Variants in COL6A5 observed in about 807,000 individuals in gnomAD.
The protein encoded by COL6A5 is collagen alpha-5(VI) chain.
Under a neutral mutation model 65.6 loss-of-function variants are expected in COL6A5, and 48 were observed. The observed-to-expected ratio is 0.73, with a 90% CI of 0.58 to 0.93. The LOEUF is 0.93. Ranked by LOEUF, COL6A5 falls within the 40% of genes least tolerant of loss-of-function variation. COL6A5 has a pLI of 0.00. For missense variants in COL6A5, 914 were observed against 928.3 expected (o/e 0.98, Z 0.20); for synonymous variants, 291 against 322.8 (o/e 0.90, Z 1.05).
intron 4 of COL6A5, among the ~76,000 whole-genome samples, chr3:130,450,667 G>A (rs1039441740): frequency 2.6e-5 from 4 of 152,162 alleles, no homozygotes; most frequent in Non-Finnish European, 2.9e-5. Context: ...TGCCTTGAGC[G>A]TGCTCATCAG....
At chr3:130,384,535 T>C (rs568082627) in intron 4 of COL6A5, among the ~76,000 whole-genome samples, 2 of 151,842 alleles carry the variant, frequency 1.3e-5, no homozygotes, top group African/African-American at 4.8e-5. Context: ...GAGCCTGGAG[T>C]CTCTGGAATT....
intron 1 of COL6A5, among the ~76,000 whole-genome samples, chr3:130,435,886 CAACTT>C (rs1709017455): frequency 7.5e-6 from 1 of 133,450 alleles, no homozygotes; most frequent in South Asian, 2.5e-4. Context: ...TGCAAACAGA[CAACTT>C]GACTTCCTCT....
intron 6 of COL6A5, among the ~76,000 whole-genome samples, chr3:130,470,312 G>A (rs1490158706): frequency 6.6e-6 from 1 of 152,044 alleles, no homozygotes; most frequent in Non-Finnish European, 1.5e-5. Context: ...ACTTTGAATG[G>A]TCTCTGCAGC....
chr3:130,400,945 A>G (rs895199043), intron 10 of COL6A5, 86 bp from the exon 11 acceptor site: 20 of 1,095,522 alleles, frequency 1.8e-5, no homozygotes, highest in Admixed American at 3.5e-5. Flanking sequence ...TCTTTAAATC[A>G]TGTTCACTGA....
chr3:130,456,926 A>C (rs1179732542), intron 5 of COL6A5, among the ~76,000 whole-genome samples: 1 of 152,158 alleles, frequency 6.6e-6, no homozygotes, highest in East Asian at 1.9e-4. Context: ...CCTTTGTAGA[A>C]GCTACAATTA....
At position 130,440,920 on chromosome 3, in the gene COL6A5, A is replaced by C. The variant is rs921695469; in HGVS notation, c.1241+95A>C. The C allele has an allele frequency of 9.9e-6, 9 of 911,168 alleles. No individual in the cohort carries two copies. In the South Asian group the frequency reaches 1.6e-4, roughly 16 times the overall value. 56.4% of individuals were successfully genotyped at this position (911,168 alleles called of 1,614,324 possible). A position where few individuals can be genotyped will look rare whatever the true frequency, so the allele number is the denominator to read the frequency against. ...TATTTTTGTATCTATAGCTAATCTA[A>C]ACATAATTTATGAATTAGATGGTGA... On this transcript the variant is annotated intron_variant, in intron 3 of 7. Transcript: ENST00000512836.
At chr3:130,460,682 A>T (rs1366087573) in intron 5 of COL6A5, among the ~76,000 whole-genome samples, 1 of 151,784 alleles carries the variant, frequency 6.6e-6, no homozygotes, top group Admixed American at 6.6e-5. Context: ...AGTGAAGATG[A>T]TGGTAGTGAA....
intron 3 of COL6A5, among the ~76,000 whole-genome samples, chr3:130,442,562 A>G (rs1709210670): frequency 1.3e-5 from 2 of 152,062 alleles, no homozygotes; most frequent in Non-Finnish European, 2.9e-5. Flanking sequence ...CCTTCCCACA[A>G]CCACTTGGTT....
intron 7 of COL6A5, among the ~76,000 whole-genome samples, chr3:130,474,745 C>T (rs945098823): frequency 1.3e-5 from 2 of 151,928 alleles, no homozygotes; most frequent in Non-Finnish European, 2.9e-5. Flanking sequence ...CAGTGGCTCA[C>T]ACCTGTAATT....
At position 130,468,001 on chromosome 3, in the gene COL6A5, T is replaced by C. The variant is rs369943524; in HGVS notation, c.1545-794T>C. Reference sequence around the variant, plus strand: ...GATTGTAGACAGGCTTCATGATCCCTTAGGCTTAGAGCAGAGCTACTTGAA... The same window carrying C: ...GATTGTAGACAGGCTTCATGATCCCCTAGGCTTAGAGCAGAGCTACTTGAA... On this transcript the variant is annotated intron_variant, in intron 5 of 7. Coordinates refer to ENST00000512836, the Ensembl canonical transcript of COL6A5. Among the ~76,000 whole-genome samples the C allele has an allele frequency of 5.3e-5, 8 of 152,156 alleles. No individual in the cohort carries two copies. In the South Asian group the frequency reaches 1.0e-3, roughly 20 times the overall value.
intron 5 of COL6A5, among the ~76,000 whole-genome samples, chr3:130,456,459 C>T (rs958906426): frequency 9.2e-5 from 14 of 151,812 alleles, no homozygotes; most frequent in Non-Finnish European, 1.3e-4. Context: ...GAGTATAATT[C>T]GATTGTGTAA....
intron 1 of COL6A5, among the ~76,000 whole-genome samples, chr3:130,438,881 G>A (rs1234266397): frequency 6.6e-6 from 1 of 152,128 alleles, no homozygotes; most frequent in African/African-American, 2.4e-5. Flanking sequence ...GAGTATTAAA[G>A]TATTTTAAAA....
chr3:130,412,901 G>A (rs1032965259), intron 20 of COL6A5, among the ~76,000 whole-genome samples: 1 of 152,126 alleles, frequency 6.6e-6, no homozygotes, highest in Non-Finnish European at 1.5e-5. Flanking sequence ...AATGAATGAA[G>A]AAATAGAATT....
At chr3:130,473,715 A>G (rs536688681) in intron 7 of COL6A5, among the ~76,000 whole-genome samples, 2 of 152,204 alleles carry the variant, frequency 1.3e-5, no homozygotes, top group South Asian at 4.2e-4. Flanking sequence ...GTTTCTTGTG[A>G]TTAGGTACAT....
Position 130,461,004 on chromosome 3 carries a change from A to G in COL6A5, c.1544+5338A>G, listed in dbSNP as rs551457203. Among the ~76,000 whole-genome samples the G allele has an allele frequency of 2.6e-5, 4 of 152,128 alleles. No individual in the cohort carries two copies. The South Asian group carries it at 8.3e-4, about 32-fold the overall frequency. ...GCAGCCCTCATAGAGGGCTTACTAT[A>G]TGAAAAGACTCTTAAATTTTTGCAT... On this transcript the variant is annotated intron_variant, in intron 5 of 7. Transcript: ENST00000512836.
chr3:130,430,826 A>G (rs536080482), upstream of COL6A5, among the ~76,000 whole-genome samples: 4 of 152,296 alleles, frequency 2.6e-5, no homozygotes, highest in Admixed American at 2.0e-4. Context: ...TCTGTACCTT[A>G]TAGTATAATG....
exon 22 of COL6A5, chr3:130,414,092 T>G (rs1185749959): frequency 7.1e-6 from 11 of 1,550,942 alleles, no homozygotes; most frequent in Non-Finnish European, 9.6e-6. Flanking sequence ...ATCCTGGACC[T>G]ACAGGCACAT....
exon 5 of COL6A5, chr3:130,455,653 A>C (rs1304275415): frequency 3.1e-6 from 5 of 1,611,066 alleles, no homozygotes; most frequent in Non-Finnish European, 4.2e-6. Flanking sequence ...CAGAAATTGC[A>C]AGTCTCACTT....
intron 1 of COL6A5, among the ~76,000 whole-genome samples, chr3:130,372,218 A>G (rs1935592129): frequency 6.6e-6 from 1 of 152,148 alleles, no homozygotes; most frequent in Admixed American, 6.5e-5. Flanking sequence ...GCTGCTGAGA[A>G]TGTAAAATAG....
Sources: gnomAD v4.1 joint callset for allele counts (sites outside exome capture counted in the v4.1 genomes callset) on GRCh38, gnomAD v4.1.1 for gene constraint, MANE v1.5 for transcripts, NCBI Gene and HGNC (gene_info 2026-07-23, HGNC 2026-07-21) for gene names.